The following MYOZ1 variants were observed in gnomAD, a reference collection of about 807,000 sequenced individuals.
MYOZ1 encodes myozenin-1.
In MYOZ1, 20 loss-of-function variants were observed where a neutral mutation model predicts 28.7. The observed-to-expected ratio is 0.70, with a 90% CI of 0.49 to 1.01. MYOZ1 has a LOEUF of 1.01. Among genes scored for constraint, MYOZ1 ranks in the 50% least tolerant of loss-of-function variants. MYOZ1 has a pLI of 0.00. For synonymous variants in MYOZ1, 144 were observed against 145.8 expected (o/e 0.99, Z 0.09); for missense variants, 371 against 372.4 (o/e 1.00, Z 0.03).
chr10:73,634,585 T>C lies in MYOZ1; in HGVS notation c.401A>G (p.His134Arg), dbSNP rs1034391741. ...AGQYGSDQQH[H>R]LGSGSGAGGT... ...CCCAGCTCCAGACCCAGAGCCCAGA[T>C]GGTGCTGCTGATCAGAGCCATACTG... Residue 134 changes from histidine to arginine, a missense_variant, in exon 4 of 6, where the codon CAT becomes CGT. Physicochemically the swap from His to Arg is conservative, Grantham distance 29. Coordinates refer to ENST00000359322, the MANE Select transcript of MYOZ1 (RefSeq NM_021245.4). 2 of 1,614,154 alleles carry C rather than the reference T, an allele frequency of 1.2e-6. No homozygotes were observed. Among genetic ancestry groups the C allele is most frequent in the East Asian group, 2.2e-5 (1 of 44,868 alleles).
intron 3 of MYOZ1, among the ~76,000 whole-genome samples, chr10:73,637,010 C>CTTTTTTTTTTTTTTTTTTTTTTT (rs200349316): frequency 1.5e-5 from 2 of 137,522 alleles, no homozygotes; most frequent in African/African-American, 2.9e-5. Context: ...TTTCTTTTTT[C>CTTTTTTTTTTTTTTTTTTTTTTT]TTTCTTTTTT....
intron 3 of MYOZ1, among the ~76,000 whole-genome samples, chr10:73,637,053 G>A (rs977150278): frequency 2.4e-4 from 22 of 90,176 alleles, no homozygotes; most frequent in African/African-American, 1.1e-3. Context: ...CACTCTTGTT[G>A]CCCAGGCTGG....
intron 3 of MYOZ1, among the ~76,000 whole-genome samples, chr10:73,635,758 T>C (rs1464952516): frequency 1.3e-5 from 2 of 152,108 alleles, no homozygotes; most frequent in Non-Finnish European, 2.9e-5. Context: ...TTCTGCCCCC[T>C]CCCTTCCTCA....
In MYOZ1 at chr10:73,637,846, C is replaced by CCAACCGGTTG; in HGVS notation, c.149_150insCAACCGGTTG (p.Leu51AsnfsTer26). The stretch of plus-strand genomic sequence containing the variant: ...TCTTGGAGCCCCGGTTGGTAAGCAG[C>CCAACCGGTTG]GACAGTTCCTCCAACATCACATCCC... On this transcript the variant is annotated frameshift_variant, in exon 3 of 6. Transcript: ENST00000359322. LOFTEE classifies it high-confidence loss of function. 1 of 1,614,108 alleles carries CCAACCGGTTG rather than the reference C, an allele frequency of 6.2e-7. No individual in the cohort carries two copies. The highest frequency in any genetic ancestry group is 1.1e-5 in the South Asian group (1 of 91,074).
intron 3 of MYOZ1, 36 bp from the exon 4 acceptor site, chr10:73,634,769 T>G: frequency 6.2e-7 from 1 of 1,600,334 alleles, no homozygotes; most frequent in Non-Finnish European, 8.5e-7. Flanking sequence ...AGGTTAGCAA[T>G]GGGTATGGAA....
chr10:73,639,861 A>T, intron 2 of MYOZ1, 84 bp downstream of exon 2: 2 of 1,334,370 alleles, frequency 1.5e-6, no homozygotes, highest in Non-Finnish European at 2.1e-6. Context: ...TTGTTTGTTC[A>T]CCCTAAGATA....
In MYOZ1 at chr10:73,631,714, A is replaced by T. The variant is rs1014966196; in HGVS notation, c.*216T>A. ...GGCAGAGCAAATTCCATAAACGAGCAGGTTCCATATGGAGCAAGTAGAAGG... is the reference window on the plus strand; with the variant it reads ...GGCAGAGCAAATTCCATAAACGAGCTGGTTCCATATGGAGCAAGTAGAAGG... On this transcript the variant is annotated 3_prime_UTR_variant, in exon 6 of 6. Transcript: ENST00000359322. 3.8e-6 allele frequency: 2 copies of T among 529,592 alleles called. No homozygotes were observed. Among genetic ancestry groups the T allele is most frequent in the Non-Finnish European group, 6.8e-6 (2 of 294,496 alleles). The allele number at this position is 529,592 out of a possible 1,614,324, so 32.8% of individuals were successfully genotyped here. A position where few individuals can be genotyped will look rare whatever the true frequency, so the allele number is the denominator to read the frequency against.
intron 2 of MYOZ1, among the ~76,000 whole-genome samples, chr10:73,638,333 CT>C (rs1183520896): frequency 6.7e-6 from 1 of 148,886 alleles, no homozygotes; most frequent in East Asian, 1.9e-4. Context: ...ATTTTTTATT[CT>C]TTTTTTTCAT....
chr10:73,631,713 C>T lies in MYOZ1; in HGVS notation c.*217G>A. Reference sequence around the variant, plus strand: ...TGGCAGAGCAAATTCCATAAACGAGCAGGTTCCATATGGAGCAAGTAGAAG... The same window carrying T: ...TGGCAGAGCAAATTCCATAAACGAGTAGGTTCCATATGGAGCAAGTAGAAG... On this transcript the variant is annotated 3_prime_UTR_variant, in exon 6 of 6. Coordinates refer to ENST00000359322, the MANE Select transcript of MYOZ1 (RefSeq NM_021245.4). 1.9e-6 allele frequency: 1 copy of T among 524,012 alleles called. No homozygotes were observed. Among genetic ancestry groups the T allele is most frequent in the Non-Finnish European group, 3.4e-6 (1 of 291,012 alleles). The allele number at this position is 524,012 out of a possible 1,614,324, so 32.5% of individuals were successfully genotyped here. A position where few individuals can be genotyped will look rare whatever the true frequency, so the allele number is the denominator to read the frequency against.
Position 73,631,834 on chromosome 10 carries a change from G to A in MYOZ1, c.*96C>T. The A allele has an allele frequency of 9.3e-7, 1 of 1,073,172 alleles. No homozygotes were observed. Among genetic ancestry groups the A allele is most frequent in the South Asian group, 1.4e-5 (1 of 70,836 alleles). 66.5% of individuals were successfully genotyped at this position (1,073,172 alleles called of 1,614,324 possible). On this transcript the variant is annotated 3_prime_UTR_variant, in exon 6 of 6. Coordinates refer to ENST00000359322, the MANE Select transcript of MYOZ1 (RefSeq NM_021245.4). The stretch of plus-strand genomic sequence containing the variant: ...CTCCTTTTTCCCTCCATTCCCATAA[G>A]GATACTGGATTAACAATGGGGGCTA...
chr10:73,634,758 A>G (rs142497147), intron 3 of MYOZ1, 25 bp from the exon 4 acceptor site: 153 of 1,605,010 alleles, frequency 9.5e-5, no homozygotes, highest in Middle Eastern at 6.6e-4. Flanking sequence ...AAGTGAGGGG[A>G]AGGTTAGCAA....
At chr10:73,637,100 C>T (rs530614634) in intron 3 of MYOZ1, among the ~76,000 whole-genome samples, 33 of 150,440 alleles carry the variant, frequency 2.2e-4, no homozygotes, top group Non-Finnish European at 4.6e-4. Flanking sequence ...TGCAACTCCA[C>T]CTCCTGGGTT....
rs746850369 is a variant in MYOZ1, at chr10:73,632,007, A to C, written c.823T>G (p.Trp275Gly). 1 of 1,613,978 alleles carries C rather than the reference A, an allele frequency of 6.2e-7. No homozygotes were observed. The highest frequency in any genetic ancestry group is 1.7e-5 in the Admixed American group (1 of 59,980). Residue 275 changes from tryptophan (W) to glycine (G), a missense_variant, in exon 6 of 6, where the codon TGG becomes GGG. Physicochemically the swap from Trp to Gly is radical, Grantham distance 184. Transcript: ENST00000359322. ...RPSFNRTPIP[W>G]LSSGEPVDYN... ...TCTACAGGCTCCCCAGAGCTCAGCCAGGGAATAGGGGTTCGATTGAAAGAA... is the reference window on the plus strand; with the variant it reads ...TCTACAGGCTCCCCAGAGCTCAGCCCGGGAATAGGGGTTCGATTGAAAGAA...
Position 73,637,788 on chromosome 10 carries a change from ACTT to A in MYOZ1, c.205_207del (p.Lys69del). On this transcript the variant is annotated inframe_deletion, in exon 3 of 6. Coordinates refer to ENST00000359322, the MANE Select transcript of MYOZ1 (RefSeq NM_021245.4). ...ACATCAGGGTGGTTCTCATAAATAA[ACTT>A]CTCCACCCTCATCTGCCGCAGTTTG... 1 of 1,614,012 alleles carries A rather than the reference ACTT, an allele frequency of 6.2e-7. No homozygotes were observed. Among genetic ancestry groups the A allele is most frequent in the Non-Finnish European group, 8.5e-7 (1 of 1,179,998 alleles).
Position 73,634,732 on chromosome 10 carries a change from T to G in MYOZ1, c.254A>C (p.Asp85Ala), listed in dbSNP as rs767385902. The G allele has an allele frequency of 1.9e-6, 3 of 1,610,402 alleles. No individual in the cohort carries two copies. The highest frequency in any genetic ancestry group is 1.7e-6 in the Non-Finnish European group (2 of 1,176,944). ...HPDVFSDSSM[D>A]HFQKFLPTVG... ...TGTTGGAAGGAACTTCTGGAAGTGA[T>G]CCTGAAAAGAAGACAAAGTGAGGGG... Residue 85 changes from aspartate to alanine, a missense_variant and splice_region_variant, in exon 4 of 6, where the codon GAT becomes GCT. Transcript: ENST00000359322.
chr10:73,641,394 T>C lies in MYOZ1; in HGVS notation c.-19+17A>G, dbSNP rs1029243216. On this transcript the variant is annotated intron_variant, in intron 1 of 5. Coordinates refer to ENST00000359322, the MANE Select transcript of MYOZ1 (RefSeq NM_021245.4). ...CAGTGGGCTCCAGCCTTTCTAACGA[T>C]AGAGCTGGAGACTTACCGGCTGCTC... 3.9e-5 allele frequency: 6 copies of C among 152,264 alleles called. No individual in the cohort carries two copies. The highest frequency in any genetic ancestry group is 1.2e-4 in the African/African-American group (5 of 41,444). The allele number at this position is 152,264 out of a possible 1,614,324, so 9.4% of individuals were successfully genotyped here. A position where few individuals can be genotyped will look rare whatever the true frequency, so the allele number is the denominator to read the frequency against.
intron 3 of MYOZ1, among the ~76,000 whole-genome samples, 165 bp downstream of exon 3, chr10:73,637,579 G>A (rs1250260513): frequency 6.6e-6 from 1 of 152,116 alleles, no homozygotes; most frequent in African/African-American, 2.4e-5. Flanking sequence ...GAGGTGGGCT[G>A]TAACTCACCC....
Position 73,631,668 on chromosome 10 carries a change from A to G in MYOZ1, c.*262T>C. 1 of 435,156 alleles carries G rather than the reference A, an allele frequency of 2.3e-6. No individual in the cohort carries two copies. The highest frequency in any genetic ancestry group is 4.2e-6 in the Non-Finnish European group (1 of 237,292). 27.0% of individuals were successfully genotyped at this position (435,156 alleles called of 1,614,324 possible). A position where few individuals can be genotyped will look rare whatever the true frequency, so the allele number is the denominator to read the frequency against. ...GGAAGAATGAGTTCATTTTCCTTGAAGTTTATTGACTGTTACTGGTGGCAG... is the reference window on the plus strand; with the variant it reads ...GGAAGAATGAGTTCATTTTCCTTGAGGTTTATTGACTGTTACTGGTGGCAG... On this transcript the variant is annotated 3_prime_UTR_variant, in exon 6 of 6. Transcript: ENST00000359322.
At chr10:73,635,329 C>A (rs1457295419) in intron 3 of MYOZ1, among the ~76,000 whole-genome samples, 1 of 150,818 alleles carries the variant, frequency 6.6e-6, no homozygotes, top group African/African-American at 2.4e-5. Flanking sequence ...TCATCCTTAA[C>A]AAGTCAAAAA....
Sources: allele counts gnomAD v4.1 joint callset (sites outside exome capture counted in the v4.1 genomes callset), GRCh38; gene constraint gnomAD v4.1.1; transcripts MANE v1.5; gene names NCBI Gene and HGNC (gene_info 2026-07-23, HGNC 2026-07-21).